The following PTBP2 variants were observed in gnomAD, a reference collection of about 807,000 sequenced individuals.
PTBP2 encodes the protein polypyrimidine tract binding protein 2.
In PTBP2, 13 loss-of-function variants were observed where a neutral mutation model predicts 61.4. The observed-to-expected ratio is 0.21, with a 90% CI of 0.14 to 0.34. The LOEUF (loss-of-function observed/expected upper bound fraction) is 0.34, where lower values mean the gene tolerates loss of function less well. Ranked by LOEUF, PTBP2 falls within the 10% of genes least tolerant of loss-of-function variation. PTBP2 has a pLI of 1.00. For missense variants in PTBP2, 405 were observed against 642.6 expected (o/e 0.63, Z 4.00); for synonymous variants, 215 against 218.5 (o/e 0.98, Z 0.14).
intron 5 of PTBP2, among the ~76,000 whole-genome samples, chr1:96,776,195 G>C (rs1394282807): frequency 2.0e-5 from 3 of 151,984 alleles, no homozygotes; most frequent in African/African-American, 7.2e-5. Context: ...TGTTATTATA[G>C]ATAAATACAG....
At chr1:96,807,640 A>G (rs541520409) in intron 11 of PTBP2, among the ~76,000 whole-genome samples, 182 of 152,288 alleles carry the variant, frequency 1.2e-3, no homozygotes, top group African/African-American at 4.3e-3. Context: ...TTGTATTCAC[A>G]TTGTTAATTT....
chr1:96,802,071 C>T (rs529946197), intron 8 of PTBP2, among the ~76,000 whole-genome samples: 31 of 150,962 alleles, frequency 2.1e-4, no homozygotes, highest in African/African-American at 7.3e-4. Context: ...ATTAGCCGGG[C>T]GTGTTGGCGG....
chr1:96,802,211 G>GAAAAA (rs5776325), intron 8 of PTBP2, among the ~76,000 whole-genome samples: 11 of 54,010 alleles, frequency 2.0e-4, no homozygotes, highest in African/African-American at 3.3e-4. Context: ...ACTCCGTCTC[G>GAAAAA]AAAAAAAAAA....
chr1:96,732,167 T>C (rs550495359), intron 2 of PTBP2, among the ~76,000 whole-genome samples: 2 of 152,318 alleles, frequency 1.3e-5, no homozygotes, highest in African/African-American at 4.8e-5. Flanking sequence ...ATGATATGAC[T>C]ATTGAATTCA....
rs1662286090 is a variant in PTBP2 at position 96,813,660 on chromosome 1, G to GC, written c.*256dup. ...CTGTTTAAAATTTCAGTTTAATTTT[G>GC]CTTTTTTTTTTTTTTTTTTTTTCCT... is the stretch of plus-strand genomic sequence containing the variant. On this transcript the variant is annotated 3_prime_UTR_variant, in exon 14 of 14. Coordinates refer to ENST00000674951, the MANE Select transcript of PTBP2 (RefSeq NM_021190.4). 1 of 138,044 alleles carries GC rather than the reference G, an allele frequency of 7.2e-6. No homozygotes were observed. Among genetic ancestry groups the GC allele is most frequent in the Non-Finnish European group, 1.3e-5 (1 of 78,834 alleles). 8.6% of individuals were successfully genotyped at this position (138,044 alleles called of 1,614,324 possible).
chr1:96,765,047 C>G (rs1656511753), intron 3 of PTBP2, among the ~76,000 whole-genome samples: 1 of 152,164 alleles, frequency 6.6e-6, no homozygotes. Flanking sequence ...CTTTTTTTCT[C>G]TTTAACTCTT....
intron 2 of PTBP2, among the ~76,000 whole-genome samples, chr1:96,736,569 T>A (rs923681518): frequency 6.6e-6 from 1 of 152,212 alleles, no homozygotes; most frequent in Non-Finnish European, 1.5e-5. Context: ...TGAGCCTTAG[T>A]CTGAAAGAAG....
intron 7 of PTBP2, among the ~76,000 whole-genome samples, 178 bp downstream of exon 7, chr1:96,778,124 A>T (rs1369213897): frequency 1.3e-5 from 2 of 150,986 alleles, no homozygotes; most frequent in Non-Finnish European, 3.0e-5. Flanking sequence ...TTTTAGGAAA[A>T]TCATAGTTGT....
chr1:96,759,880 T>C (rs904755818), intron 3 of PTBP2, among the ~76,000 whole-genome samples: 3 of 152,190 alleles, frequency 2.0e-5, no homozygotes, highest in Admixed American at 6.5e-5. Flanking sequence ...TTTACAATTC[T>C]ATGTGACTGG....
chr1:96,751,450 G>A lies in PTBP2; in HGVS notation c.65G>A (p.Gly22Asp), dbSNP rs754701036. Reference protein sequence around the residue: ...VKRGSDELLSGSVLSSPNSNM... With the variant: ...VKRGSDELLSDSVLSSPNSNM... Reference sequence around the variant, plus strand: ...AGAGGATCTGACGAACTACTCTCAGGCAGTGTTCTCAGTAGTCCGAACTCT... The same window carrying A: ...AGAGGATCTGACGAACTACTCTCAGACAGTGTTCTCAGTAGTCCGAACTCT... Residue 22 changes from glycine to aspartate, a missense_variant, in exon 3 of 14, where the codon GGC (glycine) becomes GAC (aspartate). Transcript: ENST00000674951. 9.3e-6 allele frequency: 15 copies of A among 1,612,586 alleles called. No individual in the cohort carries two copies. The highest frequency in any genetic ancestry group is 1.3e-5 in the Non-Finnish European group (15 of 1,179,120).
intron 8 of PTBP2, among the ~76,000 whole-genome samples, chr1:96,799,700 C>T (rs1660782382): frequency 6.6e-6 from 1 of 152,106 alleles, no homozygotes; most frequent in South Asian, 2.1e-4. Context: ...AATATGCTTT[C>T]TATAACTTTC....
At chr1:96,806,287 G>GA in intron 9 of PTBP2, 132 bp from the exon 10 acceptor site, 1 of 784,498 alleles carries the variant, frequency 1.3e-6, no homozygotes, top group South Asian at 1.5e-5. Context: ...TAACCGCCTT[G>GA]AACCATGATC....
intron 7 of PTBP2, among the ~76,000 whole-genome samples, chr1:96,781,915 T>C (rs1223048802): frequency 6.6e-6 from 1 of 152,032 alleles, no homozygotes; most frequent in Non-Finnish European, 1.5e-5. Context: ...TATTGGAAAG[T>C]AGTGTATTAG....
Position 96,762,318 on chromosome 1 carries a change from G to A in PTBP2, c.116-7385G>A, listed in dbSNP as rs567097147. On this transcript the variant is annotated intron_variant, in intron 3 of 13. Coordinates refer to ENST00000674951, the MANE Select transcript of PTBP2 (RefSeq NM_021190.4). ...CCAGTAGGGGCGGCCGGGCAGAGGC[G>A]CCCCTCACTCCCCAGTAGGGGCAGC... Among the ~76,000 whole-genome samples the A allele has an allele frequency of 2.9e-3, 433 of 151,256 alleles. 5 individuals are homozygous for A. The highest frequency in any genetic ancestry group is 0.01 in the African/African-American group (420 of 40,992).
At chr1:96,798,138 A>G (rs1570987237) in intron 8 of PTBP2, among the ~76,000 whole-genome samples, 1 of 151,896 alleles carries the variant, frequency 6.6e-6, no homozygotes, top group African/African-American at 2.4e-5. Context: ...CTATAATCCC[A>G]GTCATGCCTG....
rs998359654 is a variant in PTBP2, at chr1:96,774,441, T to A, written c.433-3144T>A. Among the ~76,000 whole-genome samples the A allele has an allele frequency of 3.9e-5, 6 of 152,320 alleles. No individual in the cohort carries two copies. In the South Asian group the frequency reaches 1.2e-3, roughly 32 times the overall value. Reference sequence around the variant, plus strand: ...AAATTATTCTCAGCTAATGATAACCTTCCCTCCCTTCAGTGTTTGTTTATT... The same window carrying A: ...AAATTATTCTCAGCTAATGATAACCATCCCTCCCTTCAGTGTTTGTTTATT... On this transcript the variant is annotated intron_variant, in intron 5 of 13. Coordinates refer to ENST00000674951, the MANE Select transcript of PTBP2 (RefSeq NM_021190.4).
chr1:96,768,547 C>T (rs12131988), intron 3 of PTBP2, among the ~76,000 whole-genome samples: 2,735 of 151,912 alleles, frequency 0.018, 36 homozygotes, highest in Non-Finnish European at 0.027. Context: ...CCTTGAGATC[C>T]TAAAAGACTA....
chr1:96,735,027 C>T (rs1400247732), intron 2 of PTBP2, among the ~76,000 whole-genome samples: 1 of 151,286 alleles, frequency 6.6e-6, no homozygotes, highest in Non-Finnish European at 1.5e-5. Flanking sequence ...AAGCGATTCT[C>T]CTGCCTCAGC....
At chr1:96,785,375 C>A in intron 8 of PTBP2, 121 bp downstream of exon 8, 1 of 742,138 alleles carries the variant, frequency 1.3e-6, no homozygotes, top group South Asian at 2.7e-5. Flanking sequence ...CGTGAGTTTT[C>A]TTTTTCTCAA....
Sources: gnomAD v4.1 joint callset for allele counts (sites outside exome capture counted in the v4.1 genomes callset) on GRCh38, gnomAD v4.1.1 for gene constraint, MANE v1.5 for transcripts, NCBI Gene and HGNC (gene_info 2026-07-23, HGNC 2026-07-21) for gene names.